NKAIN2: variants seen among roughly 807,000 people sequenced by gnomAD.
The protein encoded by NKAIN2 is sodium/potassium-transporting ATPase subunit beta-1-interacting protein 2.
A neutral mutation model predicts 32.6 loss-of-function variants in NKAIN2; 14 were observed. That is an observed-to-expected ratio of 0.43 (90% CI 0.28 to 0.67). NKAIN2 has a LOEUF of 0.67. Ranked by LOEUF, NKAIN2 falls within the 30% of genes least tolerant of loss-of-function variation. The pLI is 0.17. For missense variants in NKAIN2, 198 were observed against 258.3 expected, an observed-to-expected ratio of 0.77 and a Z score of 1.60; for synonymous variants, 80 against 87.2, an observed-to-expected ratio of 0.92 and a Z score of 0.46.
intron 3 of NKAIN2, among the ~76,000 whole-genome samples, chr6:124,649,876 G>A (rs1784305711): frequency 3.9e-5 from 6 of 152,158 alleles, no homozygotes. Flanking sequence ...ATCTATAGAT[G>A]TACATCGTAT....
chr6:124,292,239 T>A (rs1380105701), intron 2 of NKAIN2, among the ~76,000 whole-genome samples: 1 of 152,134 alleles, frequency 6.6e-6, no homozygotes, highest in African/African-American at 2.4e-5. Flanking sequence ...CTCCAGAGCA[T>A]GCAAAATTCT....
chr6:123,957,996 T>C (rs938136898), intron 1 of NKAIN2, among the ~76,000 whole-genome samples: 2 of 152,166 alleles, frequency 1.3e-5, no homozygotes, highest in African/African-American at 4.8e-5. Flanking sequence ...ATAATATTAC[T>C]AATTACATTA....
chr6:124,636,668 C>T (rs1315042292), intron 3 of NKAIN2, among the ~76,000 whole-genome samples: 4 of 151,866 alleles, frequency 2.6e-5, no homozygotes, highest in African/African-American at 9.7e-5. Flanking sequence ...GAAACAGATA[C>T]AGTTCTAGAC....
At chr6:124,821,270 G>A (rs574656149) in intron 6 of NKAIN2, among the ~76,000 whole-genome samples, 1 of 151,332 alleles carries the variant, frequency 6.6e-6, no homozygotes, top group East Asian at 1.9e-4. Flanking sequence ...ACTCCAGCCT[G>A]GTTAACAAAG....
At chr6:124,625,281 C>G (rs1783273610) in intron 3 of NKAIN2, among the ~76,000 whole-genome samples, 1 of 151,992 alleles carries the variant, frequency 6.6e-6, no homozygotes, top group South Asian at 2.1e-4. Flanking sequence ...ATCTTACTTT[C>G]AAACGACATA....
intron 1 of NKAIN2, among the ~76,000 whole-genome samples, chr6:123,847,312 T>C (rs1407211004): frequency 1.3e-5 from 2 of 152,192 alleles, no homozygotes; most frequent in South Asian, 2.1e-4. Flanking sequence ...TTCATTTTCC[T>C]TAGCTCATAT....
chr6:124,748,850 A>AT (rs1187558957), intron 4 of NKAIN2, among the ~76,000 whole-genome samples: 16 of 12,876 alleles, frequency 1.2e-3, no homozygotes, highest in East Asian at 0.026. Flanking sequence ...TTAACTTCTA[A>AT]TTTAAAAAAA....
chr6:123,958,175 T>C (rs1438337140), intron 1 of NKAIN2, among the ~76,000 whole-genome samples: 2 of 152,100 alleles, frequency 1.3e-5, no homozygotes. Flanking sequence ...TAGGAAGGTA[T>C]CTTTAGGCCC....
chr6:124,372,044 T>C (rs1164492393), intron 3 of NKAIN2, among the ~76,000 whole-genome samples: 2 of 151,984 alleles, frequency 1.3e-5, no homozygotes, highest in South Asian at 2.1e-4. Flanking sequence ...GACATGAAGA[T>C]TGAGAAAGGA....
At chr6:124,254,675 A>G (rs1419118866) in intron 1 of NKAIN2, among the ~76,000 whole-genome samples, 1 of 152,096 alleles carries the variant, frequency 6.6e-6, no homozygotes, top group African/African-American at 2.4e-5. Flanking sequence ...TCATCATTAA[A>G]ACGACACTAA....
chr6:123,915,246 G>T (rs1775427013), intron 1 of NKAIN2, among the ~76,000 whole-genome samples: 1 of 152,044 alleles, frequency 6.6e-6, no homozygotes, highest in East Asian at 1.9e-4. Flanking sequence ...TATTCATACT[G>T]CTGGCATGTG....
intron 3 of NKAIN2, among the ~76,000 whole-genome samples, chr6:124,366,450 GAAAA>G (rs558573056): frequency 6.8e-6 from 1 of 146,578 alleles, no homozygotes; most frequent in African/African-American, 2.5e-5. Context: ...TCTTTTGACA[GAAAA>G]AAAAAACCAT....
At chr6:123,819,962 G>T (rs1353146640) in intron 1 of NKAIN2, among the ~76,000 whole-genome samples, 1 of 152,052 alleles carries the variant, frequency 6.6e-6, no homozygotes, top group Non-Finnish European at 1.5e-5. Context: ...TATTTTAGAT[G>T]GTAACCTGAC....
At chr6:124,141,530 G>T (rs1049626733) in intron 1 of NKAIN2, among the ~76,000 whole-genome samples, 1 of 151,830 alleles carries the variant, frequency 6.6e-6, no homozygotes, top group Admixed American at 6.6e-5. Flanking sequence ...GTTGCTTCTG[G>T]CTTAAAATTC....
At chr6:124,144,745 C>T (rs1033737970) in intron 1 of NKAIN2, among the ~76,000 whole-genome samples, 2 of 151,538 alleles carry the variant, frequency 1.3e-5, no homozygotes, top group African/African-American at 4.9e-5. Flanking sequence ...AGGCTTGGCA[C>T]TAAAAGCATA....
chr6:123,844,106 G>A (rs1171725126), intron 1 of NKAIN2, among the ~76,000 whole-genome samples: 1 of 152,150 alleles, frequency 6.6e-6, no homozygotes, highest in Non-Finnish European at 1.5e-5. Context: ...AGACAGGAGG[G>A]CAAGAGAAGG....
intron 4 of NKAIN2, among the ~76,000 whole-genome samples, chr6:124,707,002 C>T (rs1343118472): frequency 1.4e-5 from 2 of 139,302 alleles, no homozygotes; most frequent in Non-Finnish European, 3.1e-5. Context: ...CCCCCCACCC[C>T]ACCACAGTCC....
At chr6:124,511,476 T>G (rs1051203054) in intron 3 of NKAIN2, among the ~76,000 whole-genome samples, 5 of 152,022 alleles carry the variant, frequency 3.3e-5, no homozygotes, top group Admixed American at 3.3e-4. Flanking sequence ...ATAGAAAAAA[T>G]TATTCCCTTT....
chr6:123,824,151 A>T lies in NKAIN2; in HGVS notation c.54+19897A>T, dbSNP rs563315315. Among the ~76,000 whole-genome samples, 8 of 152,220 alleles carry T rather than the reference A, an allele frequency of 5.3e-5. No homozygotes were observed. The South Asian group carries it at 1.0e-3, about 20-fold the overall frequency. On this transcript the variant is annotated intron_variant, in intron 1 of 6. Coordinates refer to ENST00000368417, the MANE Select transcript of NKAIN2 (RefSeq NM_001040214.3). Reference sequence around the variant, plus strand: ...TTTTTGACAATCTTATTATATATAGAAATACAACACATAGTCAGGATCCTG... The same window carrying T: ...TTTTTGACAATCTTATTATATATAGTAATACAACACATAGTCAGGATCCTG...
Sources: gnomAD v4.1 joint callset for allele counts (sites outside exome capture counted in the v4.1 genomes callset) on GRCh38, gnomAD v4.1.1 for gene constraint, MANE v1.5 for transcripts, NCBI Gene and HGNC (gene_info 2026-07-23, HGNC 2026-07-21) for gene names.